BZW2: variants seen among roughly 807,000 people sequenced by gnomAD.
BZW2 encodes eIF5-mimic protein 1.
Under a neutral mutation model 53.2 loss-of-function variants are expected in BZW2, and 23 were observed. That is an observed-to-expected ratio of 0.43 (90% CI 0.31 to 0.61). BZW2 has a LOEUF of 0.61. Among genes scored for constraint, BZW2 ranks in the 20% least tolerant of loss-of-function variants. BZW2 has a pLI of 0.09. For missense variants in BZW2, 409 were observed against 503.1 expected (o/e 0.81, Z 1.79); for synonymous variants, 227 against 186.4 (o/e 1.22, Z -1.77).
At chr7:16,651,606 AT>A (rs756609394) in intron 1 of BZW2, among the ~76,000 whole-genome samples, 2 of 152,216 alleles carry the variant, frequency 1.3e-5, no homozygotes, top group Non-Finnish European at 2.9e-5. Flanking sequence ...CGGTGTTAGT[AT>A]TTGGGAGTGT....
intron 1 of BZW2, among the ~76,000 whole-genome samples, chr7:16,647,064 T>C (rs1781886633): frequency 6.6e-6 from 1 of 152,158 alleles, no homozygotes; most frequent in African/African-American, 2.4e-5. Context: ...TCAACTGTAA[T>C]ATGTAGCCTG....
intron 7 of BZW2, among the ~76,000 whole-genome samples, chr7:16,694,136 C>T (rs756798380): frequency 2.0e-5 from 3 of 152,134 alleles, no homozygotes; most frequent in Non-Finnish European, 2.9e-5. Context: ...TTCTGCCAAA[C>T]TGTGTAGGGT....
At chr7:16,652,890 T>C (rs1400083167) in intron 1 of BZW2, among the ~76,000 whole-genome samples, 20 of 152,220 alleles carry the variant, frequency 1.3e-4, no homozygotes. Context: ...TTTATTTCCT[T>C]TAATTCAATT....
chr7:16,646,953 G>A lies in BZW2; in HGVS notation c.-8+665G>A, dbSNP rs1781883464. Among the ~76,000 whole-genome samples the A allele has an allele frequency of 3.3e-5, 5 of 152,268 alleles. No individual in the cohort carries two copies. In the South Asian group the frequency reaches 1.0e-3, roughly 32 times the overall value. On this transcript the variant is annotated intron_variant, in intron 1 of 11. Transcript: ENST00000258761. ...TGTAACTCAGATCTTGAGATTTATG[G>A]AAATAGGGAGTGGAGGGTGGGGAGG...
intron 10 of BZW2, among the ~76,000 whole-genome samples, chr7:16,700,077 A>G (rs1038181401): frequency 6.6e-6 from 1 of 152,180 alleles, no homozygotes; most frequent in African/African-American, 2.4e-5. Context: ...GTCAACATCA[A>G]TTTTATTTCT....
intron 10 of BZW2, among the ~76,000 whole-genome samples, chr7:16,701,134 A>G (rs1018501060): frequency 3.9e-5 from 6 of 152,176 alleles, no homozygotes; most frequent in Non-Finnish European, 8.8e-5. Flanking sequence ...GCAAAGAAAA[A>G]AGTGGTGATG....
intron 2 of BZW2, among the ~76,000 whole-genome samples, chr7:16,671,616 T>G (rs1478608958): frequency 1.3e-5 from 2 of 152,128 alleles, no homozygotes; most frequent in Non-Finnish European, 2.9e-5. Flanking sequence ...TGTATGTTCG[T>G]ATTGCTCTTA....
intron 1 of BZW2, 130 bp from the exon 2 acceptor site, chr7:16,665,307 T>G (rs1782389620): frequency 9.1e-7 from 1 of 1,093,340 alleles, no homozygotes; most frequent in Non-Finnish European, 1.3e-6. Flanking sequence ...CTGTCTCAAT[T>G]GAAAAAAAAA....
chr7:16,706,320 C>CTG lies in BZW2; in HGVS notation c.*233_*234insGT. ...CTACCTCTCACTCACTATATGCTAA[C>CTG]TTAAAGCCATTCAACAAGGAGTCAA... On this transcript the variant is annotated 3_prime_UTR_variant, in exon 12 of 12. Coordinates refer to ENST00000258761, the MANE Select transcript of BZW2 (RefSeq NM_014038.3). 1 of 467,754 alleles carries CTG rather than the reference C, an allele frequency of 2.1e-6. No homozygotes were observed. The allele number at this position is 467,754 out of a possible 1,614,324, so 29.0% of individuals were successfully genotyped here.
intron 2 of BZW2, 100 bp downstream of exon 2, chr7:16,665,601 T>C (rs1782399765): frequency 6.5e-7 from 1 of 1,537,746 alleles, no homozygotes. Context: ...GCCTCACTGA[T>C]TCTACTCATT....
At chr7:16,668,575 A>G (rs557324053) in intron 2 of BZW2, among the ~76,000 whole-genome samples, 7 of 152,298 alleles carry the variant, frequency 4.6e-5, no homozygotes, top group African/African-American at 1.7e-4. Flanking sequence ...TTTCTTTGCT[A>G]TTATGAAGGG....
chr7:16,671,234 A>G (rs1400192855), intron 2 of BZW2, among the ~76,000 whole-genome samples: 1 of 152,114 alleles, frequency 6.6e-6, no homozygotes, highest in Non-Finnish European at 1.5e-5. Flanking sequence ...TCATTGTATC[A>G]TATAGTTTCA....
intron 2 of BZW2, among the ~76,000 whole-genome samples, chr7:16,671,126 T>C (rs763975995): frequency 6.6e-6 from 1 of 152,244 alleles, no homozygotes. Flanking sequence ...CTGTTGGAGA[T>C]AGTAGATATG....
At chr7:16,673,651 A>G (rs922540544) in intron 2 of BZW2, among the ~76,000 whole-genome samples, 1 of 152,090 alleles carries the variant, frequency 6.6e-6, no homozygotes, top group Non-Finnish European at 1.5e-5. Flanking sequence ...GATTCCAAAG[A>G]GTTTTTGGGT....
chr7:16,655,496 T>C (rs549666392), intron 1 of BZW2, among the ~76,000 whole-genome samples: 1 of 152,214 alleles, frequency 6.6e-6, no homozygotes, highest in Non-Finnish European at 1.5e-5. Context: ...ATTCATTACA[T>C]TGAACACTCA....
intron 11 of BZW2, among the ~76,000 whole-genome samples, chr7:16,705,062 A>C (rs981702818): frequency 8.5e-5 from 13 of 152,346 alleles, no homozygotes; most frequent in Non-Finnish European, 1.5e-4. Context: ...AATAATGAGT[A>C]AGAGTGAATT....
At chr7:16,656,553 GCGCACA>G (rs1480413643) in intron 1 of BZW2, among the ~76,000 whole-genome samples, 58 of 119,912 alleles carry the variant, frequency 4.8e-4, no homozygotes, top group South Asian at 3.5e-3. Context: ...CAGCGCGCGC[GCGCACA>G]CACACACACA....
At chr7:16,697,178 C>T in intron 9 of BZW2, 117 bp downstream of exon 9, 1 of 1,247,416 alleles carries the variant, frequency 8.0e-7, no homozygotes, top group Non-Finnish European at 1.1e-6. Flanking sequence ...CAACTTTGAA[C>T]TCCTGGGCTC....
chr7:16,678,350 GTTC>G (rs1782832270), intron 3 of BZW2, among the ~76,000 whole-genome samples: 1 of 151,752 alleles, frequency 6.6e-6, no homozygotes, highest in Non-Finnish European at 1.5e-5. Flanking sequence ...CGGCCCCATT[GTTC>G]TTAAAATAGC....
Sources: allele counts gnomAD v4.1 joint callset (sites outside exome capture counted in the v4.1 genomes callset), GRCh38; gene constraint gnomAD v4.1.1; transcripts MANE v1.5; gene names NCBI Gene and HGNC (gene_info 2026-07-23, HGNC 2026-07-21).